The following MIS18A variants were observed in gnomAD, a reference collection of about 807,000 sequenced individuals.
MIS18A encodes the protein protein Mis18-alpha.
In MIS18A, 14 loss-of-function variants were observed where a neutral mutation model predicts 25.0. That is an observed-to-expected ratio of 0.56 (90% CI 0.37 to 0.88). The LOEUF is 0.88. MIS18A is among the 40% of genes least tolerant of loss of function. The pLI, the probability that MIS18A is intolerant of heterozygous loss-of-function variation, is 0.00. For missense variants in MIS18A, 292 were observed against 290.8 expected (o/e 1.00, Z -0.03); for synonymous variants, 134 against 118.6 (o/e 1.13, Z -0.84).
chr21:32,191,829 C>T, the MIS18A span, among the ~76,000 whole-genome samples: 2 of 151,716 alleles, frequency 1.3e-5, no homozygotes, highest in African/African-American at 4.8e-5. Context: ...CGCTTCAACC[C>T]GGGAGGTGGA....
the MIS18A span, among the ~76,000 whole-genome samples, chr21:32,183,122 C>T: frequency 6.6e-6 from 1 of 152,106 alleles, no homozygotes; most frequent in African/African-American, 2.4e-5. Flanking sequence ...GTATCTATTC[C>T]CCTGCCCATC....
At chr21:32,222,998 G>T in the MIS18A span, among the ~76,000 whole-genome samples, 1 of 150,970 alleles carries the variant, frequency 6.6e-6, no homozygotes, top group Non-Finnish European at 1.5e-5. Flanking sequence ...AACTACAAGG[G>T]AACTGAGCAA....
At chr21:32,179,102 T>C in the MIS18A span, among the ~76,000 whole-genome samples, 3 of 151,310 alleles carry the variant, frequency 2.0e-5, no homozygotes, top group Non-Finnish European at 4.4e-5. Flanking sequence ...TTTATTTTTT[T>C]AAATATATAA....
chr21:32,277,233 A>T (rs917929302), intron 1 of MIS18A, among the ~76,000 whole-genome samples: 1 of 152,232 alleles, frequency 6.6e-6, no homozygotes, highest in African/African-American at 2.4e-5. Flanking sequence ...CTATGTTTTA[A>T]ATTTAAAAGC....
At chr21:32,243,374 T>A in the MIS18A span, among the ~76,000 whole-genome samples, 3 of 152,016 alleles carry the variant, frequency 2.0e-5, no homozygotes, top group African/African-American at 7.2e-5. Flanking sequence ...ACTACCAAAG[T>A]GCAGCAGTAA....
At chr21:32,267,705 A>G (rs1304155495), downstream of MIS18A, among the ~76,000 whole-genome samples, 3 of 152,188 alleles carry the variant, frequency 2.0e-5, no homozygotes, top group Non-Finnish European at 4.4e-5. Flanking sequence ...TCATCTGTTT[A>G]GAATGCATTT....
chr21:32,199,272 C>T, the MIS18A span, among the ~76,000 whole-genome samples: 5 of 152,012 alleles, frequency 3.3e-5, no homozygotes, highest in African/African-American at 4.8e-5. Context: ...TGATTTATAC[C>T]GTCGTGCTGT....
chr21:32,208,835 C>T, the MIS18A span, among the ~76,000 whole-genome samples: 1 of 152,202 alleles, frequency 6.6e-6, no homozygotes, highest in African/African-American at 2.4e-5. Context: ...ATGATAACTA[C>T]ATGGAGTGTT....
the MIS18A span, among the ~76,000 whole-genome samples, chr21:32,247,205 C>T: frequency 2.6e-5 from 4 of 152,202 alleles, no homozygotes; most frequent in East Asian, 1.9e-4. Context: ...CTGACCCAAA[C>T]GATGACATCT....
At chr21:32,211,075 C>G in the MIS18A span, among the ~76,000 whole-genome samples, 1 of 152,202 alleles carries the variant, frequency 6.6e-6, no homozygotes. Context: ...GAGTCTTGCT[C>G]TGTCGCCCAG....
At chr21:32,247,840 C>G in the MIS18A span, among the ~76,000 whole-genome samples, 1 of 152,192 alleles carries the variant, frequency 6.6e-6, no homozygotes, top group East Asian at 1.9e-4. Context: ...GTTGTTTCAG[C>G]CCCTCAATCT....
At chr21:32,173,126 C>A in the MIS18A span, among the ~76,000 whole-genome samples, 1 of 152,110 alleles carries the variant, frequency 6.6e-6, no homozygotes, top group Non-Finnish European at 1.5e-5. Flanking sequence ...AAATTAAAGT[C>A]TTTGGTGCTT....
chr21:32,159,526 T>C, the MIS18A span, among the ~76,000 whole-genome samples: 1 of 152,250 alleles, frequency 6.6e-6, no homozygotes, highest in African/African-American at 2.4e-5. Flanking sequence ...AATTATAGTA[T>C]TCAAGAGTCA....
chr21:32,196,100 T>C, the MIS18A span, among the ~76,000 whole-genome samples: 1 of 152,114 alleles, frequency 6.6e-6, no homozygotes, highest in Non-Finnish European at 1.5e-5. Context: ...TGTCCAGATA[T>C]TTGGTAAAAC....
chr21:32,196,638 G>A, the MIS18A span, among the ~76,000 whole-genome samples: 3 of 152,146 alleles, frequency 2.0e-5, no homozygotes, highest in East Asian at 5.8e-4. Context: ...TATTTTTGTA[G>A]AGATGGGGTT....
At chr21:32,203,727 C>T in the MIS18A span, among the ~76,000 whole-genome samples, 1 of 149,902 alleles carries the variant, frequency 6.7e-6, no homozygotes, top group South Asian at 2.1e-4. Context: ...AGTGATCCTC[C>T]CACTTCAGCC....
the MIS18A span, among the ~76,000 whole-genome samples, chr21:32,155,329 A>C: frequency 6.6e-6 from 1 of 151,988 alleles, no homozygotes; most frequent in African/African-American, 2.4e-5. Flanking sequence ...CAAATTGTAC[A>C]TGCCCACCTC....
chr21:32,158,667 G>T, the MIS18A span, among the ~76,000 whole-genome samples: 1 of 152,004 alleles, frequency 6.6e-6, no homozygotes, highest in Non-Finnish European at 1.5e-5. Context: ...TAGAGACGGG[G>T]TTTCTCCTTG....
At chr21:32,278,394 GTTA>G (rs2031858233) in intron 1 of MIS18A, 5 of 463,662 alleles carry the variant, frequency 1.1e-5, no homozygotes, top group Non-Finnish European at 1.9e-5. Context: ...CTTTAAAAGT[GTTA>G]TTCTTTGTCG....
Sources: gnomAD v4.1 joint callset for allele counts (sites outside exome capture counted in the v4.1 genomes callset) on GRCh38, gnomAD v4.1.1 for gene constraint, MANE v1.5 for transcripts, NCBI Gene and HGNC (gene_info 2026-07-23, HGNC 2026-07-21) for gene names.